Variants in GOLGA8Q observed in about 807,000 individuals in gnomAD.
GOLGA8Q encodes the protein golgin A8 family member Q.
Under a neutral mutation model 48.7 loss-of-function variants are expected in GOLGA8Q, and 3 were observed. That is an observed-to-expected ratio of 0.06 (90% CI 0.03 to 0.16). The LOEUF is 0.16. Ranked by LOEUF, GOLGA8Q falls within the 10% of genes least tolerant of loss-of-function variation. GOLGA8Q has a pLI of 1.00. For missense variants in GOLGA8Q, 49 were observed against 364.3 expected (o/e 0.13, Z 7.05); for synonymous variants, 22 against 138.2 (o/e 0.16, Z 5.90).
intron 2 of GOLGA8Q, among the ~76,000 whole-genome samples, chr15:30,554,165 G>C (rs879680544): frequency 8.5e-3 from 728 of 85,496 alleles, no homozygotes; most frequent in Middle Eastern, 0.013. Flanking sequence ...TTAGCCACGC[G>C]TGGTGGCGTG....
Position 30,560,614 on chromosome 15 carries a change from A to G in GOLGA8Q, c.1276+3A>G, listed in dbSNP as rs2059674468. ...CCTCATGGCTCTCCCTGGGGAAGGT[A>G]CGGGAGACCGCTCAGAGGAAGAGGA... On this transcript the variant is annotated splice_donor_region_variant and intron_variant, in intron 14 of 18. Coordinates refer to ENST00000562783, the MANE Select transcript of GOLGA8Q (RefSeq NM_001355476.2). The G allele has an allele frequency of 2.7e-6, 3 of 1,126,818 alleles. 1 individual carries two copies. The highest frequency in any genetic ancestry group is 4.7e-5 in the East Asian group (2 of 42,700). The allele number at this position is 1,126,818 out of a possible 1,614,324, so 69.8% of individuals were successfully genotyped here.
At position 30,560,565 on chromosome 15, in the gene GOLGA8Q, C is replaced by G; in HGVS notation, c.1230C>G (p.Asn410Lys). Reference protein sequence around the residue: ...EEHLEAASQQNQQLTAQLNLM... With the variant: ...EEHLEAASQQKQQLTAQLNLM... ...ACCTGGAAGCGGCCAGCCAGCAGAA[C>G]CAGCAGCTAACGGCCCAGCTGAACC... Residue 410 changes from asparagine to lysine, a missense_variant, in exon 14 of 19, where the codon AAC (asparagine) becomes AAG (lysine). By Grantham distance (94) the Asn-to-Lys change is moderately conservative. Coordinates refer to ENST00000562783, the MANE Select transcript of GOLGA8Q (RefSeq NM_001355476.2). The G allele has an allele frequency of 8.8e-7, 1 of 1,130,028 alleles. No homozygotes were observed. The highest frequency in any genetic ancestry group is 1.2e-6 in the Non-Finnish European group (1 of 834,560). The allele number at this position is 1,130,028 out of a possible 1,614,324, so 70.0% of individuals were successfully genotyped here.
intron 6 of GOLGA8Q, 33 bp from the exon 7 acceptor site, chr15:30,556,373 CCTTCT>C: frequency 1.7e-6 from 1 of 588,676 alleles, no homozygotes; most frequent in Admixed American, 3.1e-5. Context: ...ATGTTTCTTT[CCTTCT>C]CTTTCAGCAC....
intron 13 of GOLGA8Q, among the ~76,000 whole-genome samples, chr15:30,560,286 G>A (rs1313968374): frequency 2.2e-5 from 2 of 90,276 alleles, no homozygotes; most frequent in Non-Finnish European, 4.4e-5. Context: ...GCAGTACGTG[G>A]CCACCTATCA....
chr15:30,561,234 A>AC, intron 15 of GOLGA8Q, 100 bp downstream of exon 15: 1 of 58,002 alleles, frequency 1.7e-5, no homozygotes, highest in Non-Finnish European at 2.9e-5. Flanking sequence ...ATTTCTCTGG[A>AC]CCCTCACCCC....
intron 13 of GOLGA8Q, 128 bp from the exon 14 acceptor site, chr15:30,560,408 C>T: frequency 9.5e-7 from 1 of 1,050,638 alleles, no homozygotes; most frequent in Non-Finnish European, 1.3e-6. Context: ...AAGCTTGGGG[C>T]AAAGCAGTGG....
chr15:30,555,556 A>G (rs1271055582), intron 4 of GOLGA8Q, among the ~76,000 whole-genome samples: 1 of 110,514 alleles, frequency 9.0e-6, no homozygotes, highest in Admixed American at 8.2e-5. Context: ...AAGGCCCCCT[A>G]GAACGGAAAC....
At chr15:30,559,726 C>A (rs374169534) in intron 13 of GOLGA8Q, among the ~76,000 whole-genome samples, 1 of 150,846 alleles carries the variant, frequency 6.6e-6, no homozygotes, top group East Asian at 1.9e-4. Context: ...GGCATTGTGG[C>A]GCATGCCTGT....
At position 30,559,731 on chromosome 15, in the gene GOLGA8Q, GC is replaced by G. The variant is rs1408275965; in HGVS notation, c.1200+442del. Among the ~76,000 whole-genome samples the G allele has an allele frequency of 4.6e-5, 7 of 151,026 alleles. No homozygotes were observed. The South Asian group carries it at 1.3e-3, about 27-fold the overall frequency. ...AAATTAGCAGGGCATTGTGGCGCAT[GC>G]CTGTAATTCCACCTACTCGGGAGGC... On this transcript the variant is annotated intron_variant, in intron 13 of 18. Transcript: ENST00000562783.
At chr15:30,554,317 G>T (rs62018297) in intron 2 of GOLGA8Q, among the ~76,000 whole-genome samples, 4 of 123,254 alleles carry the variant, frequency 3.2e-5, no homozygotes, top group Admixed American at 7.8e-5. Context: ...AAAAAAAAAG[G>T]AATTCTGGGT....
At position 30,562,177 on chromosome 15, in the gene GOLGA8Q, G is replaced by A; in HGVS notation, c.1660G>A (p.Ala554Thr). ...ATTCCTGGCCGCTGCCCACAACTCTGCTGATGAGCCCGGTCCAGGAGCCCC... is the reference window on the plus strand; with the variant it reads ...ATTCCTGGCCGCTGCCCACAACTCTACTGATGAGCCCGGTCCAGGAGCCCC... ...RKFLAAAHNS[A>T]DEPGPGAPAP... The change falls in exon 18 of 19, where the codon GCT becomes ACT. Residue 554 changes from alanine to threonine, a missense_variant. Coordinates refer to ENST00000562783, the MANE Select transcript of GOLGA8Q (RefSeq NM_001355476.2). 1.9e-6 allele frequency: 2 copies of A among 1,060,380 alleles called. 1 individual carries two copies. The highest frequency in any genetic ancestry group is 2.5e-6 in the Non-Finnish European group (2 of 793,874). The allele number at this position is 1,060,380 out of a possible 1,614,324, so 65.7% of individuals were successfully genotyped here.
chr15:30,554,521 G>A (rs1268426428), intron 2 of GOLGA8Q, among the ~76,000 whole-genome samples: 1 of 22,398 alleles, frequency 4.5e-5, no homozygotes, highest in Non-Finnish European at 7.6e-5. Flanking sequence ...AAACACTCAG[G>A]ACACCCAGGA....
In GOLGA8Q at chr15:30,556,113, A is replaced by G. The variant is rs1595580249; in HGVS notation, c.348+101A>G. On this transcript the variant is annotated intron_variant, in intron 5 of 18. Coordinates refer to ENST00000562783, the MANE Select transcript of GOLGA8Q (RefSeq NM_001355476.2). ...CTCACCCACTCCCAGCCTGGGGAAG[A>G]AGGCTCACCCCTCAGATTCCACCCC... The G allele has an allele frequency of 3.9e-6, 5 of 1,282,538 alleles. 1 individual carries two copies. In the East Asian group the frequency reaches 7.0e-5, roughly 18 times the overall value. The allele number at this position is 1,282,538 out of a possible 1,614,324, so 79.4% of individuals were successfully genotyped here.
rs147160872 is a variant in GOLGA8Q, at chr15:30,559,703, A to T, written c.1200+412A>T. On this transcript the variant is annotated intron_variant, in intron 13 of 18. Coordinates refer to ENST00000562783, the MANE Select transcript of GOLGA8Q (RefSeq NM_001355476.2). ...CTCATCTCTACTAAAATTAAAAAAA[A>T]AAAAATTAGCAGGGCATTGTGGCGC... is the stretch of plus-strand genomic sequence containing the variant. Among the ~76,000 whole-genome samples, 701 of 151,458 alleles carry T rather than the reference A, an allele frequency of 4.6e-3. 9 individuals carry two copies. The highest frequency in any genetic ancestry group is 0.017 in the African/African-American group (680 of 41,176).
At chr15:30,559,357 AG>A in intron 13 of GOLGA8Q, 66 bp downstream of exon 13, 2 of 732,534 alleles carry the variant, frequency 2.7e-6, no homozygotes, top group Non-Finnish European at 4.1e-6. Context: ...GCCTCTTGGG[AG>A]GGGAGGTGCC....
At chr15:30,560,229 G>A (rs2059671750) in intron 13 of GOLGA8Q, among the ~76,000 whole-genome samples, 1 of 92,086 alleles carries the variant, frequency 1.1e-5, no homozygotes, top group Admixed American at 9.6e-5. Flanking sequence ...GAGCCAAGAG[G>A]TTCAGAGTCT....
At chr15:30,555,586 G>T (rs1436837471) in intron 4 of GOLGA8Q, among the ~76,000 whole-genome samples, 1 of 109,986 alleles carries the variant, frequency 9.1e-6, no homozygotes, top group African/African-American at 3.6e-5. Flanking sequence ...AAGGGCTCCT[G>T]TCTGTCCTTT....
intron 4 of GOLGA8Q, among the ~76,000 whole-genome samples, chr15:30,555,523 T>A (rs2140719393): frequency 9.2e-6 from 1 of 109,154 alleles, no homozygotes; most frequent in East Asian, 2.0e-4. Context: ...AAGGTCTCTG[T>A]TAGCTCTCGA....
At position 30,559,703 on chromosome 15, in the gene GOLGA8Q, A is replaced by C. The variant is rs147160872; in HGVS notation, c.1200+412A>C. Among the ~76,000 whole-genome samples, 14 of 151,436 alleles carry C rather than the reference A, an allele frequency of 9.2e-5. No individual in the cohort carries two copies. In the East Asian group the frequency reaches 2.7e-3, roughly 29 times the overall value. On this transcript the variant is annotated intron_variant, in intron 13 of 18. Transcript: ENST00000562783. ...CTCATCTCTACTAAAATTAAAAAAA[A>C]AAAAATTAGCAGGGCATTGTGGCGC... is the stretch of plus-strand genomic sequence containing the variant.
Sources: gnomAD v4.1 joint callset for allele counts (sites outside exome capture counted in the v4.1 genomes callset) on GRCh38, gnomAD v4.1.1 for gene constraint, MANE v1.5 for transcripts, NCBI Gene and HGNC (gene_info 2026-07-23, HGNC 2026-07-21) for gene names.